GALNT13: variants seen among roughly 807,000 people sequenced by gnomAD.
The protein encoded by GALNT13 is UDP-GalNAc:polypeptide N-acetylgalactosaminyltransferase 13.
A neutral mutation model predicts 64.2 loss-of-function variants in GALNT13; 28 were observed. The observed-to-expected ratio is 0.44, with a 90% confidence interval of 0.32 to 0.60. GALNT13 has a LOEUF of 0.60. Ranked by LOEUF, GALNT13 falls within the 20% of genes least tolerant of loss-of-function variation. The pLI is 0.05. For synonymous variants in GALNT13, 214 were observed against 224.6 expected, an observed-to-expected ratio of 0.95 and a Z score of 0.42; for missense variants, 577 against 669.8, an observed-to-expected ratio of 0.86 and a Z score of 1.53.
intron 3 of GALNT13, among the ~76,000 whole-genome samples, chr2:154,106,260 C>G (rs1702610519): frequency 6.6e-6 from 1 of 152,050 alleles, no homozygotes; most frequent in Admixed American, 6.6e-5. Flanking sequence ...ATAATCAAAC[C>G]AAAAATCATG....
the GALNT13 span, among the ~76,000 whole-genome samples, chr2:153,611,883 T>A: frequency 6.7e-6 from 1 of 150,256 alleles, no homozygotes; most frequent in Non-Finnish European, 1.5e-5. Flanking sequence ...CAGTCCCTGA[T>A]GTGTGATATT....
intron 4 of GALNT13, among the ~76,000 whole-genome samples, chr2:154,192,369 G>A (rs1044121179): frequency 2.6e-5 from 4 of 152,068 alleles, no homozygotes; most frequent in East Asian, 1.9e-4. Flanking sequence ...CTAGGTCTGC[G>A]GGTCCAGGCC....
chr2:154,413,163 T>C (rs981803081), intron 11 of GALNT13, among the ~76,000 whole-genome samples: 6 of 151,906 alleles, frequency 3.9e-5, no homozygotes, highest in African/African-American at 1.4e-4. Context: ...CTAGAATCTA[T>C]AGCCAGTTAA....
the GALNT13 span, among the ~76,000 whole-genome samples, chr2:153,636,714 T>C: frequency 6.6e-6 from 1 of 152,140 alleles, no homozygotes; most frequent in Non-Finnish European, 1.5e-5. Flanking sequence ...GCTTTCCTAA[T>C]GCTGTGTACC....
chr2:153,670,280 A>C, the GALNT13 span, among the ~76,000 whole-genome samples: 1 of 152,166 alleles, frequency 6.6e-6, no homozygotes. Flanking sequence ...GCTGGGAGAC[A>C]CCTCCCAGTA....
At chr2:153,342,472 GCAC>G in the GALNT13 span, among the ~76,000 whole-genome samples, 4 of 152,172 alleles carry the variant, frequency 2.6e-5, no homozygotes, top group Non-Finnish European at 5.9e-5. Context: ...GGAGCTGTGA[GCAC>G]CACATGAATC....
At chr2:154,020,358 C>T (rs201258593) in intron 3 of GALNT13, among the ~76,000 whole-genome samples, 1 of 152,060 alleles carries the variant, frequency 6.6e-6, no homozygotes, top group Admixed American at 6.6e-5. Context: ...CTCTCCAGCA[C>T]CTGTTGTTTC....
At chr2:153,340,730 C>T in the GALNT13 span, among the ~76,000 whole-genome samples, 4 of 151,616 alleles carry the variant, frequency 2.6e-5, no homozygotes, top group Admixed American at 2.6e-4. Context: ...TCAGATTTTA[C>T]CATTGAATAT....
chr2:154,185,064 G>T (rs1056848134), intron 4 of GALNT13, among the ~76,000 whole-genome samples: 1 of 152,036 alleles, frequency 6.6e-6, no homozygotes, highest in Admixed American at 6.6e-5. Context: ...AACCTCCTTA[G>T]ATTTTGTTTG....
intron 4 of GALNT13, among the ~76,000 whole-genome samples, chr2:154,225,251 A>T (rs1688556777): frequency 6.6e-6 from 1 of 152,080 alleles, no homozygotes; most frequent in Admixed American, 6.6e-5. Context: ...AAGATGTTTG[A>T]CTTCATTCTT....
At chr2:154,092,803 C>A (rs1450238161) in intron 3 of GALNT13, among the ~76,000 whole-genome samples, 1 of 151,812 alleles carries the variant, frequency 6.6e-6, no homozygotes, top group East Asian at 1.9e-4. Context: ...ATTGAGTGTT[C>A]TTGTGAAGTA....
chr2:153,920,873 C>T (rs995838935), intron 2 of GALNT13, among the ~76,000 whole-genome samples: 1 of 152,060 alleles, frequency 6.6e-6, no homozygotes, highest in African/African-American at 2.4e-5. Context: ...CATGTGAAAA[C>T]ATGCTCAACA....
chr2:153,822,747 C>G, the GALNT13 span, among the ~76,000 whole-genome samples: 1 of 152,062 alleles, frequency 6.6e-6, no homozygotes, highest in Non-Finnish European at 1.5e-5. Context: ...CCACTCCTGT[C>G]CAACATCATA....
chr2:153,160,420 A>C, the GALNT13 span, among the ~76,000 whole-genome samples: 2 of 152,184 alleles, frequency 1.3e-5, no homozygotes, highest in Non-Finnish European at 2.9e-5. Flanking sequence ...GAGTATAACA[A>C]GCTGTATTTG....
the GALNT13 span, among the ~76,000 whole-genome samples, chr2:153,493,077 A>G: frequency 1.3e-5 from 2 of 152,286 alleles, no homozygotes; most frequent in African/African-American, 2.4e-5. Context: ...TTACAAAAGA[A>G]GGACCTAAAA....
chr2:154,077,703 C>A (rs1348495754), intron 3 of GALNT13, among the ~76,000 whole-genome samples: 1 of 151,404 alleles, frequency 6.6e-6, no homozygotes, highest in East Asian at 1.9e-4. Flanking sequence ...TAGTCATTGA[C>A]ATCAAGGAAT....
the GALNT13 span, among the ~76,000 whole-genome samples, chr2:153,693,728 G>T: frequency 6.6e-6 from 1 of 152,108 alleles, no homozygotes; most frequent in Non-Finnish European, 1.5e-5. Flanking sequence ...GCTCTATTCA[G>T]TGAATCCACA....
At position 154,409,078 on chromosome 2, in the gene GALNT13, A is replaced by G; in HGVS notation, c.1391A>G (p.Asn464Ser). The change falls in exon 11 of 13, where the codon AAT becomes AGT. Residue 464 changes from asparagine (N) to serine (S), a missense_variant. Asn to Ser is a conservative substitution (Grantham distance 46). This residue lies in a region of GALNT13 where 232 missense variants were observed against 270.6 expected (regional missense o/e 0.86). Transcript: ENST00000392825. ...TTCAACTGTCATGGTATGGGAGGAA[A>G]TCAGGTAAACTCTCCCTTTTTATCA... ...GIFNCHGMGG[N>S]QVFSYTADKE... 2 of 1,594,288 alleles carry G rather than the reference A, an allele frequency of 1.3e-6. No individual in the cohort carries two copies. Among genetic ancestry groups the G allele is most frequent in the Middle Eastern group, 1.7e-4 (1 of 6,022 alleles).
At position 153,959,886 on chromosome 2, in the gene GALNT13, C is replaced by T. The variant is rs192600149; in HGVS notation, c.142+15247C>T. Among the ~76,000 whole-genome samples, 294 of 152,164 alleles carry T rather than the reference C, an allele frequency of 1.9e-3. 1 individual carries two copies. Among genetic ancestry groups the T allele is most frequent in the African/African-American group, 7.0e-3 (289 of 41,530 alleles). On this transcript the variant is annotated intron_variant, in intron 3 of 12. Coordinates refer to ENST00000392825, the MANE Select transcript of GALNT13 (RefSeq NM_052917.4). ...GAGGCCTGTACAGGCAGGTAACTGA[C>T]AGGGCTGCCTGTCAGAGAGTTGGGC... is the stretch of plus-strand genomic sequence containing the variant.
Sources: gnomAD v4.1 joint callset for allele counts (sites outside exome capture counted in the v4.1 genomes callset) on GRCh38, gnomAD v4.1.1 for gene constraint, gnomAD v4.1.1 regional missense constraint, MANE v1.5 for transcripts, NCBI Gene and HGNC (gene_info 2026-07-23, HGNC 2026-07-21) for gene names.